The following MDGA2 variants were observed in gnomAD, a reference collection of about 807,000 sequenced individuals.
MDGA2 encodes the protein MAM domain-containing glycosylphosphatidylinositol anchor protein 2.
Under a neutral mutation model 117.8 loss-of-function variants are expected in MDGA2, and 40 were observed. The ratio of observed to expected loss-of-function variants is 0.34; its 90% confidence interval spans 0.26 to 0.44. The LOEUF is 0.44. Ranked by LOEUF, MDGA2 falls within the 20% of genes least tolerant of loss-of-function variation. The pLI is 1.00. For synonymous variants in MDGA2, 452 were observed against 439.0 expected (o/e 1.03, Z -0.37); for missense variants, 1,123 against 1,250.6 (o/e 0.90, Z 1.54).
intron 5 of MDGA2, among the ~76,000 whole-genome samples, chr14:47,129,360 C>T (rs540229841): frequency 1.6e-4 from 24 of 151,484 alleles, no homozygotes; most frequent in Middle Eastern, 3.4e-3. Context: ...TTTGTTCTTG[C>T]GATAGTTTAC....
At chr14:47,271,898 G>A (rs1483189745) in intron 2 of MDGA2, among the ~76,000 whole-genome samples, 2 of 151,986 alleles carry the variant, frequency 1.3e-5, no homozygotes, top group East Asian at 3.9e-4. Flanking sequence ...CCCTTGACAA[G>A]TCACAGTATG....
At chr14:47,289,625 C>G (rs1888811614) in intron 2 of MDGA2, among the ~76,000 whole-genome samples, 1 of 152,050 alleles carries the variant, frequency 6.6e-6, no homozygotes, top group Admixed American at 6.6e-5. Flanking sequence ...AAAATTACAA[C>G]TGTTTTCCTT....
chr14:47,065,875 T>C (rs1163340052), intron 6 of MDGA2, among the ~76,000 whole-genome samples: 2 of 152,198 alleles, frequency 1.3e-5, no homozygotes, highest in Non-Finnish European at 2.9e-5. Flanking sequence ...GATTATGTTT[T>C]ATAATCAGGT....
intron 1 of MDGA2, among the ~76,000 whole-genome samples, chr14:47,654,690 T>C (rs1433574725): frequency 1.3e-5 from 2 of 152,026 alleles, no homozygotes; most frequent in Non-Finnish European, 2.9e-5. Flanking sequence ...CCTTAGAATA[T>C]ATCCCCAACT....
chr14:47,157,762 C>T (rs190575463), intron 3 of MDGA2, among the ~76,000 whole-genome samples: 103 of 152,028 alleles, frequency 6.8e-4, no homozygotes, highest in African/African-American at 2.2e-3. Context: ...GTGTCCACCA[C>T]GCTATTCTCG....
At position 46,920,044 on chromosome 14, in the gene MDGA2, G is replaced by T. The variant is rs755491626; in HGVS notation, c.2206C>A (p.Arg736=). ...WTQMNPDAVD[R]IVAYRLGIRQ... is the part of the protein sequence containing the mutation. The stretch of plus-strand genomic sequence containing the variant: ...ATGCCCAACCGGTATGCAACAATCC[G>T]ATCCACTGCATCAGGATTCATCTGT... The change falls in exon 10 of 17, where the codon CGG becomes AGG. Residue 736 remains arginine, a synonymous_variant. Transcript: ENST00000399232. 5.7e-6 allele frequency: 9 copies of T among 1,589,022 alleles called. No individual in the cohort carries two copies. The East Asian group carries it at 1.4e-4, about 24-fold the overall frequency.
At chr14:47,131,929 G>T in intron 4 of MDGA2, 83 bp from the exon 5 acceptor site, 1 of 1,079,372 alleles carries the variant, frequency 9.3e-7, no homozygotes. Flanking sequence ...ACATTACATT[G>T]TATTAAATCA....
chr14:47,467,928 A>G (rs1893637784), intron 1 of MDGA2, among the ~76,000 whole-genome samples: 1 of 152,176 alleles, frequency 6.6e-6, no homozygotes, highest in Non-Finnish European at 1.5e-5. Context: ...ACTTAATGAA[A>G]TGTCTGTATG....
At chr14:46,987,241 C>A (rs984792527) in intron 8 of MDGA2, among the ~76,000 whole-genome samples, 2 of 152,170 alleles carry the variant, frequency 1.3e-5, no homozygotes, top group African/African-American at 4.8e-5. Flanking sequence ...ACTGGTCAAG[C>A]AAACAGGGCT....
chr14:47,342,853 CT>C (rs1377217989), intron 1 of MDGA2: 1 of 350,088 alleles, frequency 2.9e-6, no homozygotes, highest in African/African-American at 2.2e-5. Context: ...AGAAAACTTC[CT>C]TAAACACTTA....
chr14:47,441,557 T>C (rs1238637501), intron 1 of MDGA2, among the ~76,000 whole-genome samples: 1 of 152,172 alleles, frequency 6.6e-6, no homozygotes, highest in Non-Finnish European at 1.5e-5. Context: ...TATAAATAAA[T>C]ATGTTCTCAA....
At chr14:47,246,608 C>T (rs1887245946) in intron 2 of MDGA2, among the ~76,000 whole-genome samples, 1 of 151,500 alleles carries the variant, frequency 6.6e-6, no homozygotes, top group Non-Finnish European at 1.5e-5. Context: ...TTACTAACTG[C>T]CTTGGAAAGA....
At chr14:47,315,577 A>C (rs1047010042) in intron 1 of MDGA2, among the ~76,000 whole-genome samples, 1 of 152,052 alleles carries the variant, frequency 6.6e-6, no homozygotes, top group African/African-American at 2.4e-5. Flanking sequence ...ACATTCCTTA[A>C]TGAAACTCAA....
intron 8 of MDGA2, among the ~76,000 whole-genome samples, chr14:47,031,801 G>A (rs947603968): frequency 6.6e-6 from 1 of 152,106 alleles, no homozygotes; most frequent in Admixed American, 6.6e-5. Context: ...GCACCTCCCA[G>A]GTTGCCCTCT....
At chr14:47,150,768 A>C (rs1357736362) in intron 3 of MDGA2, among the ~76,000 whole-genome samples, 6 of 152,012 alleles carry the variant, frequency 3.9e-5, no homozygotes, top group African/African-American at 1.4e-4. Context: ...TACTAAAAAT[A>C]TAAAAATTAG....
chr14:47,652,245 C>T (rs1343811610), intron 1 of MDGA2, among the ~76,000 whole-genome samples: 3 of 152,110 alleles, frequency 2.0e-5, no homozygotes, highest in Non-Finnish European at 2.9e-5. Flanking sequence ...CTATAAAGTA[C>T]TATCAGAACA....
At chr14:47,083,905 C>CAA (rs141456537) in intron 6 of MDGA2, among the ~76,000 whole-genome samples, 2 of 151,046 alleles carry the variant, frequency 1.3e-5, no homozygotes, top group African/African-American at 4.9e-5. Context: ...CTTCCCCCTC[C>CAA]AAAAAAAAGC....
intron 1 of MDGA2, among the ~76,000 whole-genome samples, chr14:47,484,590 C>T (rs563776607): frequency 6.6e-6 from 1 of 152,086 alleles, no homozygotes; most frequent in Non-Finnish European, 1.5e-5. Flanking sequence ...TTTCTACAGT[C>T]CAAAACAGCT....
intron 1 of MDGA2, among the ~76,000 whole-genome samples, chr14:47,393,608 G>A (rs994848663): frequency 1.3e-5 from 2 of 152,050 alleles, no homozygotes; most frequent in Admixed American, 6.6e-5. Flanking sequence ...CCAAGGACCA[G>A]CCTCTGGTTT....
Sources: gnomAD v4.1 joint callset for allele counts (sites outside exome capture counted in the v4.1 genomes callset) on GRCh38, gnomAD v4.1.1 for gene constraint, MANE v1.5 for transcripts, NCBI Gene and HGNC (gene_info 2026-07-23, HGNC 2026-07-21) for gene names.